Variants in PIGL observed in about 807,000 individuals in gnomAD.
The protein encoded by PIGL is N-acetylglucosaminyl-phosphatidylinositol de-N-acetylase.
A neutral mutation model predicts 31.1 loss-of-function variants in PIGL; 22 were observed. That is an observed-to-expected ratio of 0.71 (90% CI 0.51 to 1.01). The LOEUF (loss-of-function observed/expected upper bound fraction) is 1.01. Ranked by LOEUF, PIGL falls within the 50% of genes least tolerant of loss-of-function variation. The pLI, the probability that PIGL is intolerant of heterozygous loss-of-function variation, is 0.00. For missense variants in PIGL, 302 were observed against 315.9 expected, an observed-to-expected ratio of 0.96 and a Z score of 0.33; for synonymous variants, 131 against 117.4, an observed-to-expected ratio of 1.12 and a Z score of -0.75.
chr17:16,317,999 T>C, intron 6 of PIGL, 91 bp downstream of exon 6: 2 of 1,136,170 alleles, frequency 1.8e-6, no homozygotes, highest in East Asian at 2.4e-5. Context: ...AAGCCCTAAC[T>C]GAAGGTTTTT....
chr17:16,225,057 G>A (rs973952215), intron 1 of PIGL, among the ~76,000 whole-genome samples: 3 of 152,132 alleles, frequency 2.0e-5, no homozygotes, highest in African/African-American at 7.2e-5. Context: ...ACTATGGTAT[G>A]CTTCCATTTA....
intron 6 of PIGL, among the ~76,000 whole-genome samples, chr17:16,319,472 A>G (rs758490242): frequency 4.0e-5 from 6 of 151,810 alleles, no homozygotes; most frequent in Non-Finnish European, 8.8e-5. Context: ...AGCCTAGGGG[A>G]GGCCAGACGC....
intron 2 of PIGL, among the ~76,000 whole-genome samples, chr17:16,266,415 A>C (rs574186391): frequency 6.6e-6 from 1 of 150,858 alleles, no homozygotes; most frequent in Non-Finnish European, 1.5e-5. Flanking sequence ...AAAAGAATGA[A>C]TATCTTCTAT....
At chr17:16,314,312 G>T (rs2093066980) in intron 4 of PIGL, among the ~76,000 whole-genome samples, 1 of 152,134 alleles carries the variant, frequency 6.6e-6, no homozygotes, top group South Asian at 2.1e-4. Flanking sequence ...TGAAGGGAAG[G>T]ACTTATTTAA....
chr17:16,319,815 A>G (rs7209811), intron 6 of PIGL, among the ~76,000 whole-genome samples: 10,162 of 151,574 alleles, frequency 0.067, 559 homozygotes, highest in African/African-American at 0.15. Flanking sequence ...AGGGTGAGGA[A>G]GAGCTAGGCC....
intron 2 of PIGL, among the ~76,000 whole-genome samples, chr17:16,246,672 CT>C (rs1197171634): frequency 5.8e-4 from 37 of 64,176 alleles, no homozygotes; most frequent in East Asian, 2.1e-3. Flanking sequence ...AGATCAAGGT[CT>C]TTTTTTTTTT....
At chr17:16,266,819 G>T (rs184207884) in intron 2 of PIGL, among the ~76,000 whole-genome samples, 3 of 147,274 alleles carry the variant, frequency 2.0e-5, no homozygotes, top group African/African-American at 7.4e-5. Flanking sequence ...GGATGGTCTC[G>T]ATCTCCTGAC....
At chr17:16,300,364 C>T (rs1255238495) in intron 3 of PIGL, among the ~76,000 whole-genome samples, 1 of 152,134 alleles carries the variant, frequency 6.6e-6, no homozygotes, top group African/African-American at 2.4e-5. Context: ...AGCATTTTCA[C>T]AGAGTATCAT....
intron 5 of PIGL, chr17:16,317,486 TC>T: frequency 8.7e-7 from 1 of 1,142,950 alleles, no homozygotes; most frequent in Non-Finnish European, 1.1e-6. Context: ...CTCCTTTACT[TC>T]CTTTGGCTTT....
intron 2 of PIGL, among the ~76,000 whole-genome samples, chr17:16,280,632 T>C (rs151083088): frequency 7.1e-4 from 108 of 152,278 alleles, no homozygotes; most frequent in Admixed American, 2.0e-3. Flanking sequence ...TTAGCCCACA[T>C]TGATTGACAC....
At chr17:16,286,303 C>G (rs1484749333) in intron 2 of PIGL, among the ~76,000 whole-genome samples, 1 of 152,274 alleles carries the variant, frequency 6.6e-6, no homozygotes, top group African/African-American at 2.4e-5. Context: ...GCTGCGAAGT[C>G]TCCTGCTCTG....
intron 3 of PIGL, among the ~76,000 whole-genome samples, chr17:16,304,278 A>G (rs2090507591): frequency 6.6e-6 from 1 of 152,232 alleles, no homozygotes; most frequent in East Asian, 1.9e-4. Flanking sequence ...AGTCTAAGCC[A>G]TGGGGAGAGA....
chr17:16,245,739 CAT>C (rs903765577), intron 2 of PIGL, among the ~76,000 whole-genome samples: 7 of 150,638 alleles, frequency 4.6e-5, no homozygotes, highest in African/African-American at 1.7e-4. Context: ...TACACACACA[CAT>C]ATATATACAC....
intron 3 of PIGL, among the ~76,000 whole-genome samples, chr17:16,310,533 G>A (rs534508916): frequency 1.3e-5 from 2 of 151,998 alleles, no homozygotes; most frequent in East Asian, 3.9e-4. Context: ...AAGAGTGCAG[G>A]TCTTCTGATT....
At chr17:16,302,632 G>A (rs982040813) in intron 3 of PIGL, among the ~76,000 whole-genome samples, 9 of 151,616 alleles carry the variant, frequency 5.9e-5, no homozygotes, top group African/African-American at 1.5e-4. Flanking sequence ...ACAGAGTCTC[G>A]CTCTGTCACC....
intron 2 of PIGL, among the ~76,000 whole-genome samples, chr17:16,279,976 C>G (rs2092909862): frequency 6.6e-6 from 1 of 152,166 alleles, no homozygotes; most frequent in African/African-American, 2.4e-5. Context: ...GTCATCTTGC[C>G]AGACCCTCTT....
chr17:16,312,228 T>C (rs1201708416), intron 3 of PIGL, among the ~76,000 whole-genome samples: 2 of 144,578 alleles, frequency 1.4e-5, no homozygotes, highest in African/African-American at 2.6e-5. Flanking sequence ...GCGGAGGGGC[T>C]CCTCACTTCT....
chr17:16,248,772 A>C (rs1186286389), intron 2 of PIGL, among the ~76,000 whole-genome samples: 2 of 152,204 alleles, frequency 1.3e-5, no homozygotes, highest in African/African-American at 2.4e-5. Context: ...GTTACTTCAC[A>C]GTACTAAAAT....
At chr17:16,245,594 G>A (rs1186097563) in intron 2 of PIGL, among the ~76,000 whole-genome samples, 5 of 149,436 alleles carry the variant, frequency 3.3e-5, no homozygotes, top group Non-Finnish European at 7.4e-5. Flanking sequence ...TAGTAGAGAC[G>A]GGGTTTCACC....
Sources: allele counts gnomAD v4.1 joint callset (sites outside exome capture counted in the v4.1 genomes callset), GRCh38; gene constraint gnomAD v4.1.1; transcripts MANE v1.5; gene names NCBI Gene and HGNC (gene_info 2026-07-23, HGNC 2026-07-21).